The following LATS2 variants were observed in gnomAD, a reference collection of about 807,000 sequenced individuals.
The protein encoded by LATS2 is serine/threonine-protein kinase LATS2.
Under a neutral mutation model 76.0 loss-of-function variants are expected in LATS2, and 24 were observed. That is an observed-to-expected ratio of 0.32 (90% confidence interval 0.23 to 0.44). LATS2 has a LOEUF of 0.44. Among genes scored for constraint, LATS2 ranks in the 20% least tolerant of loss-of-function variants. The pLI, the probability that LATS2 is intolerant of heterozygous loss-of-function variation, is 1.00. For synonymous variants in LATS2, 692 were observed against 635.4 expected (o/e 1.09, Z -1.34); for missense variants, 1,286 against 1,481.2 (o/e 0.87, Z 2.16).
intron 7 of LATS2, among the ~76,000 whole-genome samples, chr13:20,976,254 A>G (rs985518374): frequency 3.3e-5 from 5 of 152,208 alleles, no homozygotes; most frequent in Admixed American, 6.5e-5. Context: ...GTGATGGGAC[A>G]GCGGATAAGG....
intron 2 of LATS2, among the ~76,000 whole-genome samples, chr13:21,025,330 T>C (rs1177033991): frequency 6.8e-6 from 1 of 146,996 alleles, no homozygotes; most frequent in Non-Finnish European, 1.5e-5. Context: ...AGGCAGAGGT[T>C]GCAATGAGCC....
chr13:21,037,632 G>A (rs1429959950), intron 2 of LATS2, among the ~76,000 whole-genome samples: 2 of 152,122 alleles, frequency 1.3e-5, no homozygotes, highest in Non-Finnish European at 2.9e-5. Flanking sequence ...TAAACACTGG[G>A]GGAGAAAATT....
intron 2 of LATS2, among the ~76,000 whole-genome samples, chr13:20,992,820 A>G (rs1379947530): frequency 6.6e-6 from 1 of 152,026 alleles, no homozygotes; most frequent in African/African-American, 2.4e-5. Context: ...GTGGATCAAG[A>G]GGTCAAGAGA....
chr13:21,046,226 A>T lies in LATS2; in HGVS notation c.-200T>A. ...CAAAGTCTTCATTTTGAAGATTATC[A>T]CTCTCTGAAAAAGAAAATAAATGGG... On this transcript the variant is annotated 5_prime_UTR_variant, in exon 2 of 8. Transcript: ENST00000382592. The T allele has an allele frequency of 2.2e-6, 1 of 465,098 alleles. No individual in the cohort carries two copies. The highest frequency in any genetic ancestry group is 3.8e-6 in the Non-Finnish European group (1 of 263,696). The allele number at this position is 465,098 out of a possible 1,614,324, so 28.8% of individuals were successfully genotyped here.
At chr13:21,052,634 G>A (rs745306395) in intron 1 of LATS2, among the ~76,000 whole-genome samples, 4 of 152,124 alleles carry the variant, frequency 2.6e-5, no homozygotes, top group Admixed American at 1.3e-4. Context: ...TAACAGGCGC[G>A]GGCTACCATG....
At position 20,981,677 on chromosome 13, in the gene LATS2, G is replaced by T; in HGVS notation, c.2483-29C>A. Reference sequence around the variant, plus strand: ...CACCCAGGAATCAGGGATAGTGAAAGAAAAGAACAAAATATAAAGTGAATT... The same window carrying T: ...CACCCAGGAATCAGGGATAGTGAAATAAAAGAACAAAATATAAAGTGAATT... On this transcript the variant is annotated intron_variant, in intron 5 of 7. Coordinates refer to ENST00000382592, the MANE Select transcript of LATS2 (RefSeq NM_014572.3). 1 of 1,558,962 alleles carries T rather than the reference G, an allele frequency of 6.4e-7. No individual in the cohort carries two copies. Among genetic ancestry groups the T allele is most frequent in the Non-Finnish European group, 8.7e-7 (1 of 1,151,926 alleles).
chr13:21,003,434 CT>C (rs532303699), intron 2 of LATS2, among the ~76,000 whole-genome samples: 48 of 139,000 alleles, frequency 3.5e-4, no homozygotes, highest in African/African-American at 1.3e-3. Context: ...GTCTGTCTTT[CT>C]TTTTTTTCCT....
At position 21,021,779 on chromosome 13, in the gene LATS2, A is replaced by C. The variant is rs559909696; in HGVS notation, c.342+23906T>G. ...GCCCTTGGTCCAGTCTGTTGTGAAC[A>C]GTGCTGCTCCTGGGGTCCACACTGC... On this transcript the variant is annotated intron_variant, in intron 2 of 7. Transcript: ENST00000382592. Among the ~76,000 whole-genome samples, 209 of 152,362 alleles carry C rather than the reference A, an allele frequency of 1.4e-3. 1 individual carries two copies. Among genetic ancestry groups the C allele is most frequent in the African/African-American group, 4.5e-3 (188 of 41,596 alleles).
Position 20,983,338 on chromosome 13 carries a change from G to A in LATS2, c.2368C>T (p.Arg790Ter). ...AAAATGTTATCAGGCTTGATGTCTC[G>A]GTGGATGAAGCCCATCTTGTGGACA... ...ESVHKMGFIH[R>*]DIKPDNILID... is the part of the protein sequence containing the mutation. Residue 790 changes from arginine to a stop codon, truncating the protein, a stop_gained, in exon 5 of 8, where the codon CGA (arginine) becomes TGA (stop). Transcript: ENST00000382592. LOFTEE classifies it high-confidence loss of function. The A allele has an allele frequency of 1.9e-6, 3 of 1,614,098 alleles. No individual in the cohort carries two copies. The highest frequency in any genetic ancestry group is 1.7e-6 in the Non-Finnish European group (2 of 1,180,008).
chr13:20,990,325 T>A (rs573848503), intron 3 of LATS2, among the ~76,000 whole-genome samples: 10 of 144,596 alleles, frequency 6.9e-5, no homozygotes, highest in Non-Finnish European at 1.5e-4. Flanking sequence ...TTCCTTCTCT[T>A]AAGAAGAAAA....
intron 3 of LATS2, 107 bp from the exon 4 acceptor site, chr13:20,989,411 T>A (rs1398887963): frequency 5.1e-6 from 6 of 1,187,518 alleles, no homozygotes; most frequent in Non-Finnish European, 7.2e-6. Flanking sequence ...GCTGAGGGTC[T>A]TGAACCCTGG....
At chr13:21,034,864 T>C (rs1872644452) in intron 2 of LATS2, among the ~76,000 whole-genome samples, 1 of 152,130 alleles carries the variant, frequency 6.6e-6, no homozygotes, top group Non-Finnish European at 1.5e-5. Flanking sequence ...AATAAGTCAA[T>C]TATAGAAGAT....
Position 20,988,685 on chromosome 13 carries a change from G to A in LATS2, c.1095C>T (p.Thr365=). The A allele has an allele frequency of 1.3e-6, 2 of 1,572,808 alleles. No homozygotes were observed. The highest frequency in any genetic ancestry group is 1.7e-6 in the Non-Finnish European group (2 of 1,168,812). ...TGGCAGCCGGCCACTGCTGGACGGA[G>A]GTGCTGCCCAATTCATACAGGTCCA... ...LNVDLYELGS[T]SVQQWPAATL... Residue 365 remains threonine (T), a synonymous_variant, in exon 4 of 8, where the codon ACC becomes ACT. Transcript: ENST00000382592.
chr13:21,017,280 ACT>A (rs1412643827), intron 2 of LATS2, among the ~76,000 whole-genome samples: 1 of 152,154 alleles, frequency 6.6e-6, no homozygotes, highest in Non-Finnish European at 1.5e-5. Flanking sequence ...TTGTACTATG[ACT>A]CACAATTTCA....
intron 1 of LATS2, among the ~76,000 whole-genome samples, chr13:21,046,694 C>T (rs1277650039): frequency 1.3e-5 from 2 of 152,140 alleles, no homozygotes; most frequent in African/African-American, 2.4e-5. Flanking sequence ...GTGGTCCTTC[C>T]ATATCTTTAG....
intron 1 of LATS2, among the ~76,000 whole-genome samples, chr13:21,048,205 A>G (rs1471765027): frequency 6.6e-6 from 1 of 152,208 alleles, no homozygotes; most frequent in Non-Finnish European, 1.5e-5. Flanking sequence ...CCGTAACTTC[A>G]CATTCCGACA....
intron 2 of LATS2, among the ~76,000 whole-genome samples, chr13:21,008,928 A>T (rs1042316916): frequency 6.6e-6 from 1 of 152,214 alleles, no homozygotes; most frequent in African/African-American, 2.4e-5. Flanking sequence ...GAAACTATCT[A>T]AATGTCCATC....
At chr13:21,018,111 C>A (rs1871882263) in intron 2 of LATS2, 1 of 152,206 alleles carries the variant, frequency 6.6e-6, no homozygotes, top group Non-Finnish European at 1.5e-5. Context: ...TAGTTTTGAT[C>A]TGAGACTTTT....
At chr13:20,986,197 G>A (rs1225192805) in intron 4 of LATS2, among the ~76,000 whole-genome samples, 1 of 151,954 alleles carries the variant, frequency 6.6e-6, no homozygotes, top group African/African-American at 2.4e-5. Context: ...CAGTTAGAAC[G>A]ACTATTATCA....
Sources: allele counts gnomAD v4.1 joint callset (sites outside exome capture counted in the v4.1 genomes callset), GRCh38; gene constraint gnomAD v4.1.1; transcripts MANE v1.5; gene names NCBI Gene and HGNC (gene_info 2026-07-23, HGNC 2026-07-21).